Variants in PDE3A observed in about 807,000 individuals in gnomAD.
PDE3A encodes the protein phosphodiesterase 3A.
Under a neutral mutation model 98.3 loss-of-function variants are expected in PDE3A, and 43 were observed. The ratio of observed to expected loss-of-function variants is 0.44; its 90% CI spans 0.34 to 0.56. The LOEUF is 0.56. Among genes scored for constraint, PDE3A ranks in the 20% least tolerant of loss-of-function variants. PDE3A has a pLI of 0.01. For synonymous variants in PDE3A, 663 were observed against 567.9 expected, an observed-to-expected ratio of 1.17 and a Z score of -2.38; for missense variants, 1,427 against 1,440.7, an observed-to-expected ratio of 0.99 and a Z score of 0.15.
intron 1 of PDE3A, among the ~76,000 whole-genome samples, chr12:20,373,452 A>C (rs1257236829): frequency 6.6e-6 from 1 of 152,074 alleles, no homozygotes; most frequent in Non-Finnish European, 1.5e-5. Flanking sequence ...TCAATGTAAA[A>C]TTTTAATTTT....
At chr12:20,370,858 T>C (rs374396839) in intron 1 of PDE3A, among the ~76,000 whole-genome samples, 2 of 152,204 alleles carry the variant, frequency 1.3e-5, no homozygotes, top group African/African-American at 4.8e-5. Flanking sequence ...TAAATATAAT[T>C]TAGGGGCATA....
At chr12:20,660,157 C>G (rs914605144) in intron 15 of PDE3A, among the ~76,000 whole-genome samples, 3 of 152,132 alleles carry the variant, frequency 2.0e-5, no homozygotes, top group Non-Finnish European at 4.4e-5. Flanking sequence ...TTATAAGAGG[C>G]TTTTCCCCCT....
At chr12:20,480,647 C>A (rs1565562756) in intron 1 of PDE3A, among the ~76,000 whole-genome samples, 1 of 152,140 alleles carries the variant, frequency 6.6e-6, no homozygotes, top group African/African-American at 2.4e-5. Flanking sequence ...AAAGAAGTTT[C>A]CCTCCTGTCT....
intron 1 of PDE3A, among the ~76,000 whole-genome samples, chr12:20,422,026 G>T (rs188612305): frequency 5.3e-5 from 8 of 152,228 alleles, no homozygotes; most frequent in African/African-American, 1.9e-4. Context: ...GTTTTTGGTA[G>T]AACGATTGCT....
intron 1 of PDE3A, among the ~76,000 whole-genome samples, chr12:20,476,733 C>T (rs886108657): frequency 3.3e-5 from 5 of 152,114 alleles, no homozygotes; most frequent in Admixed American, 6.5e-5. Context: ...TTCAAACCAA[C>T]GCCTGGGGTT....
intron 15 of PDE3A, among the ~76,000 whole-genome samples, chr12:20,655,604 A>G (rs543111547): frequency 6.6e-6 from 1 of 152,322 alleles, no homozygotes; most frequent in Non-Finnish European, 1.5e-5. Context: ...AAAACAAAAC[A>G]AAACAGAAGA....
chr12:20,615,812 G>A lies in PDE3A; in HGVS notation c.1270-418G>A, dbSNP rs181241901. ...GTGATCTCAGCTCACTGCAACCTCC[G>A]CCTCCCAGTCTCAAGTGACTCTCCT... On this transcript the variant is annotated intron_variant, in intron 3 of 15. Coordinates refer to ENST00000359062, the MANE Select transcript of PDE3A (RefSeq NM_000921.5). Among the ~76,000 whole-genome samples the A allele has an allele frequency of 9.9e-5, 15 of 152,024 alleles. No individual in the cohort carries two copies. The East Asian group carries it at 2.9e-3, about 30-fold the overall frequency.
rs2120444893 is a variant in PDE3A at position 20,673,620 on chromosome 12, T to C, written c.3185-6410T>C. On this transcript the variant is annotated intron_variant, in intron 15 of 15. Transcript: ENST00000359062. ...CAAGAACAAAAAACCAAAGACCGCA[T>C]ATTCTCACTCATAGGTGGGAATTGA... Among the ~76,000 whole-genome samples, 3 of 150,302 alleles carry C rather than the reference T, an allele frequency of 2.0e-5. No individual in the cohort carries two copies. In the South Asian group the frequency reaches 6.4e-4, roughly 32 times the overall value.
intron 1 of PDE3A, among the ~76,000 whole-genome samples, chr12:20,497,290 A>T (rs1945937336): frequency 6.6e-6 from 1 of 151,994 alleles, no homozygotes; most frequent in Non-Finnish European, 1.5e-5. Flanking sequence ...TATAACAGAT[A>T]GTAATTTTTA....
intron 12 of PDE3A, among the ~76,000 whole-genome samples, chr12:20,647,415 C>A (rs1023506294): frequency 1.1e-5 from 1 of 89,438 alleles, no homozygotes; most frequent in African/African-American, 3.7e-5. Flanking sequence ...CAATTTATTT[C>A]ATTGGAGGAT....
At chr12:20,623,993 TTCAG>T (rs1944200178) in intron 5 of PDE3A, among the ~76,000 whole-genome samples, 1 of 152,072 alleles carries the variant, frequency 6.6e-6, no homozygotes, top group African/African-American at 2.4e-5. Context: ...GAACTAAAAT[TTCAG>T]ACAGTAATAA....
At chr12:20,535,509 A>G (rs1365334625) in intron 1 of PDE3A, among the ~76,000 whole-genome samples, 1 of 152,178 alleles carries the variant, frequency 6.6e-6, no homozygotes, top group African/African-American at 2.4e-5. Flanking sequence ...CAGTTCTATC[A>G]TTTATGAGAG....
chr12:20,397,352 T>G (rs932662893), intron 1 of PDE3A, among the ~76,000 whole-genome samples: 17 of 152,146 alleles, frequency 1.1e-4, no homozygotes, highest in African/African-American at 4.1e-4. Context: ...TTATATACCT[T>G]TGTTAATTTT....
chr12:20,588,687 T>C (rs992671251), intron 2 of PDE3A, among the ~76,000 whole-genome samples: 1 of 152,046 alleles, frequency 6.6e-6, no homozygotes, highest in African/African-American at 2.4e-5. Flanking sequence ...TGTCAGCCCC[T>C]CCTCAATATG....
intron 1 of PDE3A, among the ~76,000 whole-genome samples, chr12:20,382,239 C>A (rs1591863922): frequency 6.6e-6 from 1 of 151,826 alleles, no homozygotes; most frequent in African/African-American, 2.4e-5. Flanking sequence ...ACCTCAGTTG[C>A]TTCTGTTGAG....
At chr12:20,370,776 T>C (rs986507607) in intron 1 of PDE3A, among the ~76,000 whole-genome samples, 3 of 152,212 alleles carry the variant, frequency 2.0e-5, no homozygotes, top group African/African-American at 7.2e-5. Context: ...GGTGAGGAAT[T>C]GATACACATT....
chr12:20,613,269 G>T (rs964664111), intron 2 of PDE3A, among the ~76,000 whole-genome samples, 174 bp from the exon 3 acceptor site: 1 of 152,174 alleles, frequency 6.6e-6, no homozygotes, highest in African/African-American at 2.4e-5. Context: ...GCAAAAAAGG[G>T]TGGCAGCTAG....
At chr12:20,479,401 T>C (rs1391815318) in intron 1 of PDE3A, among the ~76,000 whole-genome samples, 1 of 152,144 alleles carries the variant, frequency 6.6e-6, no homozygotes, top group African/African-American at 2.4e-5. Context: ...CCTTGATCAG[T>C]CCTGAAGTTC....
chr12:20,590,041 G>A (rs1322362399), intron 2 of PDE3A, among the ~76,000 whole-genome samples: 1 of 152,106 alleles, frequency 6.6e-6, no homozygotes, highest in East Asian at 1.9e-4. Flanking sequence ...TTACATGGAT[G>A]TGAAGGCCAC....
Sources: allele counts gnomAD v4.1 joint callset (sites outside exome capture counted in the v4.1 genomes callset), GRCh38; gene constraint gnomAD v4.1.1; transcripts MANE v1.5; gene names NCBI Gene and HGNC (gene_info 2026-07-23, HGNC 2026-07-21).